LIN9: variants seen among roughly 807,000 people sequenced by gnomAD.
The protein encoded by LIN9 is protein lin-9 homolog.
In LIN9, 18 loss-of-function variants were observed where a neutral mutation model predicts 78.0. The observed-to-expected ratio is 0.23, with a 90% CI of 0.16 to 0.34. The LOEUF (loss-of-function observed/expected upper bound fraction) is 0.34. Ranked by LOEUF, LIN9 falls within the 10% of genes least tolerant of loss-of-function variation. LIN9 has a pLI of 1.00. For synonymous variants in LIN9, 192 were observed against 215.2 expected, an observed-to-expected ratio of 0.89 and a Z score of 0.94; for missense variants, 451 against 644.1, an observed-to-expected ratio of 0.70 and a Z score of 3.25.
intron 2 of LIN9, among the ~76,000 whole-genome samples, chr1:226,300,282 G>A (rs1364624103): frequency 6.6e-6 from 1 of 152,144 alleles, no homozygotes; most frequent in Non-Finnish European, 1.5e-5. Context: ...CAGGTGTGGT[G>A]GCTCATGCCT....
In LIN9 at chr1:226,264,130, T is replaced by C. The variant is rs563248470; in HGVS notation, c.1038+1403A>G. Among the ~76,000 whole-genome samples the C allele has an allele frequency of 4.6e-5, 7 of 152,060 alleles. No individual in the cohort carries two copies. In the East Asian group the frequency reaches 1.2e-3, roughly 25 times the overall value. On this transcript the variant is annotated intron_variant, in intron 10 of 14. Transcript: ENST00000681046. ...AGGTGCAGTCGCTCATGCCTGCAAT[T>C]CCAGCACTTTGGGAGGCCGAGGGCG...
chr1:226,262,514 T>C (rs1438764315), intron 10 of LIN9, among the ~76,000 whole-genome samples: 1 of 152,148 alleles, frequency 6.6e-6, no homozygotes, highest in Non-Finnish European at 1.5e-5. Flanking sequence ...AGATGGCAGA[T>C]AAGCATATGA....
At chr1:226,232,956 A>G in intron 14 of LIN9, 140 bp downstream of exon 14, 3 of 558,276 alleles carry the variant, frequency 5.4e-6, no homozygotes, top group Middle Eastern at 4.8e-4. Flanking sequence ...TAGGCTGGAT[A>G]TAAGTGAAAA....
intron 10 of LIN9, among the ~76,000 whole-genome samples, chr1:226,256,301 C>G (rs748380124): frequency 5.9e-5 from 9 of 152,176 alleles, no homozygotes; most frequent in Non-Finnish European, 1.3e-4. Flanking sequence ...CATCTGACTT[C>G]TTCTTAGAAA....
upstream of LIN9, chr1:226,309,570 C>A (rs547978716): frequency 6.7e-6 from 8 of 1,185,286 alleles, no homozygotes; most frequent in African/African-American, 1.3e-4. Flanking sequence ...GGGAAAGAAG[C>A]CCTCGGTTCT....
intron 6 of LIN9, among the ~76,000 whole-genome samples, chr1:226,281,634 T>C (rs1453432176): frequency 2.0e-5 from 3 of 152,024 alleles, no homozygotes; most frequent in African/African-American, 2.4e-5. Context: ...AAAAAAAGTC[T>C]TCTTGACATA....
intron 3 of LIN9, among the ~76,000 whole-genome samples, chr1:226,297,362 CTTT>C (rs929383767): frequency 6.6e-6 from 1 of 151,538 alleles, no homozygotes; most frequent in Non-Finnish European, 1.5e-5. Context: ...ACAATGATTT[CTTT>C]TTTTTTCTTT....
At position 226,297,774 on chromosome 1, in the gene LIN9, G is replaced by T; in HGVS notation, c.104C>A (p.Ser35Tyr). ...LSNTWNEKYS[S>Y]LQKTPVWKGR... The stretch of plus-strand genomic sequence containing the variant: ...TTTCCAAACAGGTGTTTTCTGTAAA[G>T]AACTGTACTTTTCATTCCACGTGTT... Residue 35 changes from serine (S) to tyrosine (Y), a missense_variant, in exon 3 of 15, where the codon TCT becomes TAT. Ser to Tyr is a moderately radical substitution (Grantham distance 144). Transcript: ENST00000681046. 1 of 1,593,456 alleles carries T rather than the reference G, an allele frequency of 6.3e-7. No individual in the cohort carries two copies. The highest frequency in any genetic ancestry group is 1.8e-5 in the Admixed American group (1 of 55,724).
chr1:226,301,596 G>A (rs1165752193), intron 1 of LIN9, among the ~76,000 whole-genome samples: 1 of 152,120 alleles, frequency 6.6e-6, no homozygotes, highest in Non-Finnish European at 1.5e-5. Context: ...GTAATGGAGT[G>A]GAAAAAAACA....
At chr1:226,295,518 A>G (rs1323225963) in intron 4 of LIN9, among the ~76,000 whole-genome samples, 2 of 151,968 alleles carry the variant, frequency 1.3e-5, no homozygotes, top group African/African-American at 4.8e-5. Flanking sequence ...GAAGTCTTCA[A>G]TGTACTTCTC....
rs147525117 is a variant in LIN9, at chr1:226,270,601, C to T, written c.683-2511G>A. Among the ~76,000 whole-genome samples the T allele has an allele frequency of 3.9e-5, 6 of 151,956 alleles. No individual in the cohort carries two copies. The East Asian group carries it at 9.7e-4, about 25-fold the overall frequency. ...CTTTGGGAGGCCCAAGAGGGTGGAT[C>T]GCTGGAGCTCAGGAGTTCAAGACCA... On this transcript the variant is annotated intron_variant, in intron 7 of 14. Coordinates refer to ENST00000681046, the MANE Select transcript of LIN9 (RefSeq NM_001366245.2).
At chr1:226,279,723 C>T (rs973482115) in intron 6 of LIN9, among the ~76,000 whole-genome samples, 70 of 139,020 alleles carry the variant, frequency 5.0e-4, no homozygotes, top group African/African-American at 1.8e-3. Context: ...TGTAGTGAGC[C>T]GAGATTGCAC....
rs1397085219 is a variant in LIN9, at chr1:226,260,645, T to G, written c.1038+4888A>C. ...CCAAATGAGTTTTTTTTTTTTTTTTTTTTTTTTTTTTTTTTTTGAGACAGT... is the reference window on the plus strand; with the variant it reads ...CCAAATGAGTTTTTTTTTTTTTTTTGTTTTTTTTTTTTTTTTTGAGACAGT... On this transcript the variant is annotated intron_variant, in intron 10 of 14. Transcript: ENST00000681046. Among the ~76,000 whole-genome samples, 10 of 125,732 alleles carry G rather than the reference T, an allele frequency of 8.0e-5. No individual in the cohort carries two copies. In the East Asian group the frequency reaches 9.0e-4, roughly 11 times the overall value. 82.5% of individuals were successfully genotyped at this position (125,732 alleles called of 152,430 possible).
chr1:226,234,907 T>C (rs2102824024), intron 12 of LIN9, among the ~76,000 whole-genome samples: 1 of 151,134 alleles, frequency 6.6e-6, no homozygotes, highest in South Asian at 2.1e-4. Flanking sequence ...TTTTTTTTTT[T>C]TTTTGAGACA....
intron 11 of LIN9, among the ~76,000 whole-genome samples, chr1:226,247,297 C>T (rs1658544500): frequency 6.6e-6 from 1 of 152,060 alleles, no homozygotes; most frequent in Non-Finnish European, 1.5e-5. Flanking sequence ...TCTAGTCTAC[C>T]TACTGTCTAC....
Position 226,259,207 on chromosome 1 carries a change from G to A in LIN9, c.1038+6326C>T, listed in dbSNP as rs184946115. ...ATTCCTGACCTCAAGTGATCTGCCC[G>A]CCTAAGCTTCCCAAAGGGCTGGGAT... On this transcript the variant is annotated intron_variant, in intron 10 of 14. Coordinates refer to ENST00000681046, the MANE Select transcript of LIN9 (RefSeq NM_001366245.2). Among the ~76,000 whole-genome samples, 16 of 152,078 alleles carry A rather than the reference G, an allele frequency of 1.1e-4. No individual in the cohort carries two copies. The East Asian group carries it at 2.7e-3, about 26-fold the overall frequency.
intron 8 of LIN9, among the ~76,000 whole-genome samples, chr1:226,267,422 CAAAAAAAAAA>C (rs10679567): frequency 1.1e-5 from 1 of 91,402 alleles, no homozygotes; most frequent in Non-Finnish European, 2.0e-5. Context: ...GACTCCGTCT[CAAAAAAAAAA>C]AAAAAAAAAG....
intron 6 of LIN9, among the ~76,000 whole-genome samples, chr1:226,281,445 C>CT (rs926952132): frequency 6.6e-6 from 1 of 151,880 alleles, no homozygotes; most frequent in Admixed American, 6.6e-5. Flanking sequence ...TTTGTTTTTA[C>CT]TTTGTTTTTT....
At chr1:226,238,155 C>A (rs1657857359) in intron 12 of LIN9, among the ~76,000 whole-genome samples, 2 of 152,092 alleles carry the variant, frequency 1.3e-5, no homozygotes, top group African/African-American at 4.8e-5. Context: ...TCACAAACAA[C>A]CCTGTTATCT....
Sources: allele counts gnomAD v4.1 joint callset (sites outside exome capture counted in the v4.1 genomes callset), GRCh38; gene constraint gnomAD v4.1.1; transcripts MANE v1.5; gene names NCBI Gene and HGNC (gene_info 2026-07-23, HGNC 2026-07-21).